INPP5D: variants seen among roughly 807,000 people sequenced by gnomAD.
The protein encoded by INPP5D is phosphatidylinositol 3,4,5-trisphosphate 5-phosphatase 1.
INPP5D carries 33 observed loss-of-function variants against 122.9 expected under a neutral mutation model. That is an observed-to-expected ratio of 0.27 (90% CI 0.20 to 0.36). The LOEUF (loss-of-function observed/expected upper bound fraction) is 0.36, where lower values mean the gene tolerates loss of function less well. Among genes scored for constraint, INPP5D ranks in the 10% least tolerant of loss-of-function variants. The pLI, the probability that INPP5D is intolerant of heterozygous loss-of-function variation, is 1.00. For missense variants in INPP5D, 1,053 were observed against 1,412.7 expected (o/e 0.75, Z 4.08); for synonymous variants, 584 against 576.2 (o/e 1.01, Z -0.19).
At chr2:233,115,247 C>A (rs1692754101) in intron 2 of INPP5D, among the ~76,000 whole-genome samples, 2 of 152,198 alleles carry the variant, frequency 1.3e-5, no homozygotes, top group African/African-American at 4.8e-5. Context: ...TAAAACGAAG[C>A]CTGGAAGAGC....
intron 3 of INPP5D, among the ~76,000 whole-genome samples, chr2:233,122,904 T>C (rs892297576): frequency 1.3e-5 from 2 of 152,202 alleles, no homozygotes; most frequent in Non-Finnish European, 2.9e-5. Context: ...AGAATAACGA[T>C]AGTACCTGCC....
intron 2 of INPP5D, among the ~76,000 whole-genome samples, chr2:233,104,507 A>G (rs1031502065): frequency 1.3e-5 from 2 of 152,042 alleles, no homozygotes; most frequent in Non-Finnish European, 2.9e-5. Flanking sequence ...AGGATTTGGG[A>G]CTGATCAGGG....
chr2:233,156,585 G>A (rs950033029), intron 9 of INPP5D, among the ~76,000 whole-genome samples: 7 of 152,096 alleles, frequency 4.6e-5, no homozygotes, highest in African/African-American at 7.2e-5. Flanking sequence ...ATGAGCCACC[G>A]CGCCTGGCCC....
intron 22 of INPP5D, 47 bp from the exon 23 acceptor site, chr2:233,193,765 A>G (rs774260904): frequency 3.7e-6 from 6 of 1,612,954 alleles, no homozygotes; most frequent in South Asian, 1.1e-5. Context: ...TGTTTCTGCC[A>G]TGAAAAGGCA....
intron 2 of INPP5D, among the ~76,000 whole-genome samples, chr2:233,083,651 G>A (rs781385884): frequency 2.0e-5 from 3 of 152,150 alleles, no homozygotes; most frequent in Non-Finnish European, 2.9e-5. Context: ...TGAGCTGCTC[G>A]CTGCAGACTG....
intron 25 of INPP5D, among the ~76,000 whole-genome samples, chr2:233,201,335 G>A (rs1463714935): frequency 6.6e-6 from 1 of 152,234 alleles, no homozygotes; most frequent in Non-Finnish European, 1.5e-5. Context: ...CTCCCAAAGC[G>A]AATGGATCTT....
intron 13 of INPP5D, among the ~76,000 whole-genome samples, chr2:233,166,131 T>A (rs1216714432): frequency 6.6e-6 from 1 of 152,142 alleles, no homozygotes; most frequent in Admixed American, 6.5e-5. Context: ...CTGGCGTGGC[T>A]ATCCTGGCTG....
intron 2 of INPP5D, among the ~76,000 whole-genome samples, chr2:233,097,044 A>G (rs1692163404): frequency 6.6e-6 from 1 of 152,194 alleles, no homozygotes; most frequent in African/African-American, 2.4e-5. Context: ...TGTTTGGTAT[A>G]AAATAGGGAC....
rs1191977468 is a variant in INPP5D at position 233,139,466 on chromosome 2, CTGTGTGTGTGTGTGTG to C, written c.666-352_666-337del. On this transcript the variant is annotated intron_variant, in intron 5 of 26. Transcript: ENST00000445964. Reference sequence around the variant, plus strand: ...GCCCAGAAATTTGCATTGTTAACACCTGTGTGTGTGTGTGTGTGTGTGTGTGTGTGTGTGTGTGTTT... The same window carrying C: ...GCCCAGAAATTTGCATTGTTAACACCTGTGTGTGTGTGTGTGTGTGTGTTT... Among the ~76,000 whole-genome samples, 75 of 147,550 alleles carry C rather than the reference CTGTGTGTGTGTGTGTG, an allele frequency of 5.1e-4. 1 individual carries two copies. The highest frequency in any genetic ancestry group is 1.8e-3 in the African/African-American group (71 of 40,174).
chr2:233,085,693 C>G (rs966793619), intron 2 of INPP5D, among the ~76,000 whole-genome samples: 1 of 152,126 alleles, frequency 6.6e-6, no homozygotes, highest in Admixed American at 6.6e-5. Flanking sequence ...CAAGCCTCCC[C>G]CCGTTTTCTA....
intron 9 of INPP5D, among the ~76,000 whole-genome samples, chr2:233,151,291 A>G (rs1693916999): frequency 6.7e-6 from 1 of 149,746 alleles, no homozygotes; most frequent in Non-Finnish European, 1.5e-5. Context: ...TGAGCAACAC[A>G]GCAAGACTCC....
chr2:233,113,673 G>A (rs1430103534), intron 2 of INPP5D, among the ~76,000 whole-genome samples: 1 of 152,046 alleles, frequency 6.6e-6, no homozygotes. Context: ...GAGATCTAGG[G>A]CCACTCTCGC....
chr2:233,067,082 T>C (rs1361402349), intron 1 of INPP5D, among the ~76,000 whole-genome samples: 2 of 152,142 alleles, frequency 1.3e-5, no homozygotes, highest in African/African-American at 4.8e-5. Context: ...CTGGCCCTGG[T>C]ATACAATTCT....
intron 9 of INPP5D, 76 bp from the exon 10 acceptor site, chr2:233,158,237 C>T (rs1694106219): frequency 9.5e-6 from 6 of 632,128 alleles, no homozygotes; most frequent in Admixed American, 2.4e-5. Context: ...TAGTCAGGTG[C>T]CTGGAACATA....
intron 1 of INPP5D, among the ~76,000 whole-genome samples, chr2:233,076,707 G>A (rs1053068288): frequency 2.0e-5 from 3 of 152,014 alleles, no homozygotes; most frequent in African/African-American, 4.8e-5. Flanking sequence ...CAAAATAAGC[G>A]AGTCAAAGAC....
chr2:233,173,163 C>G lies in INPP5D; in HGVS notation c.1989+2011C>G, dbSNP rs528773920. Among the ~76,000 whole-genome samples, 11 of 149,778 alleles carry G rather than the reference C, an allele frequency of 7.3e-5. 1 individual carries two copies. The highest frequency in any genetic ancestry group is 2.7e-4 in the African/African-American group (11 of 40,518). On this transcript the variant is annotated intron_variant, in intron 17 of 26. Transcript: ENST00000445964. Reference sequence around the variant, plus strand: ...GATGGAAGTTGCAGTGAGCCGAGATCGCGCCATTGCATGCCAGCCTGGGTG... The same window carrying G: ...GATGGAAGTTGCAGTGAGCCGAGATGGCGCCATTGCATGCCAGCCTGGGTG...
At position 233,170,368 on chromosome 2, in the gene INPP5D, G is replaced by A. The variant is rs1694461746; in HGVS notation, c.1792-128G>A. On this transcript the variant is annotated intron_variant, in intron 15 of 26. Transcript: ENST00000445964. The surrounding 1 kb of genome is among the most constrained non-coding windows in gnomAD (Gnocchi z 4.5). Reference sequence around the variant, plus strand: ...GTGCTCACACCCGGTTCCCATAACTGTCACAGCCACCCTGCCACCATCACT... The same window carrying A: ...GTGCTCACACCCGGTTCCCATAACTATCACAGCCACCCTGCCACCATCACT... The A allele has an allele frequency of 2.0e-6, 3 of 1,503,948 alleles. No individual in the cohort carries two copies. In the South Asian group the frequency reaches 3.9e-5, roughly 20 times the overall value. 93.2% of individuals were successfully genotyped at this position (1,503,948 alleles called of 1,614,324 possible).
At chr2:233,112,137 T>G (rs1314179984) in intron 2 of INPP5D, among the ~76,000 whole-genome samples, 1 of 152,126 alleles carries the variant, frequency 6.6e-6, no homozygotes, top group Non-Finnish European at 1.5e-5. Context: ...TAGCATGTAT[T>G]GACGATTCTT....
intron 2 of INPP5D, among the ~76,000 whole-genome samples, chr2:233,085,082 C>T (rs1691795111): frequency 6.6e-6 from 1 of 152,172 alleles, no homozygotes; most frequent in Non-Finnish European, 1.5e-5. Context: ...TACAGCACTA[C>T]CTTCAAGAAT....
Sources: gnomAD v4.1 joint callset for allele counts (sites outside exome capture counted in the v4.1 genomes callset) on GRCh38, gnomAD v4.1.1 for gene constraint, Gnocchi (gnomAD v3.1) non-coding constraint, MANE v1.5 for transcripts, NCBI Gene and HGNC (gene_info 2026-07-23, HGNC 2026-07-21) for gene names.